STXBP4: variants seen among roughly 807,000 people sequenced by gnomAD.
The protein encoded by STXBP4 is syntaxin-binding protein 4.
In STXBP4, 55 loss-of-function variants were observed where a neutral mutation model predicts 76.1. The observed-to-expected ratio is 0.72, with a 90% CI of 0.58 to 0.91. The LOEUF (loss-of-function observed/expected upper bound fraction) is 0.91, where lower values mean the gene tolerates loss of function less well. STXBP4 is among the 40% of genes least tolerant of loss of function. STXBP4 has a pLI of 0.00. For missense variants in STXBP4, 618 were observed against 636.9 expected (o/e 0.97, Z 0.32); for synonymous variants, 201 against 220.2 (o/e 0.91, Z 0.77).
In STXBP4 at chr17:55,170,632, T is replaced by C. The variant is rs2080401222; in HGVS notation, c.*10721T>C. ...AGGATTATTTTGCTTTAGAATTCTA[T>C]GTATAATCCTGTGAAAATTTGTAGT... On this transcript the variant is annotated 3_prime_UTR_variant, in exon 18 of 18. Coordinates refer to ENST00000376352, the MANE Select transcript of STXBP4 (RefSeq NM_178509.6). 1 of 152,228 alleles carries C rather than the reference T, an allele frequency of 6.6e-6. No homozygotes were observed. The highest frequency in any genetic ancestry group is 2.1e-4 in the South Asian group (1 of 4,828). The allele number at this position is 152,228 out of a possible 1,614,324, so 9.4% of individuals were successfully genotyped here. A position where few individuals can be genotyped will look rare whatever the true frequency, so the allele number is the denominator to read the frequency against.
chr17:55,053,330 TA>T (rs918718958), intron 12 of STXBP4, among the ~76,000 whole-genome samples: 38 of 152,122 alleles, frequency 2.5e-4, no homozygotes, highest in African/African-American at 9.2e-4. Flanking sequence ...CTCAGATGGT[TA>T]AAAAAGTGCA....
At position 55,000,840 on chromosome 17, in the gene STXBP4, T is replaced by G; in HGVS notation, c.531T>G (p.Ile177Met). Residue 177 changes from isoleucine to methionine, a missense_variant, in exon 7 of 18, where the codon ATT (isoleucine) becomes ATG (methionine). Coordinates refer to ENST00000376352, the MANE Select transcript of STXBP4 (RefSeq NM_178509.6). ...CTGGATACAACAAAACAGTACAGAT[T>G]CCAATTACTTCAGAAAACAGTACTG... Reference protein sequence around the residue: ...IKTGYNKTVQIPITSENSTVG... With the variant: ...IKTGYNKTVQMPITSENSTVG... The G allele has an allele frequency of 6.2e-7, 1 of 1,610,804 alleles. No individual in the cohort carries two copies. The highest frequency in any genetic ancestry group is 8.5e-7 in the Non-Finnish European group (1 of 1,177,406).
At chr17:55,179,058 T>C in the STXBP4 span, among the ~76,000 whole-genome samples, 1 of 152,236 alleles carries the variant, frequency 6.6e-6, no homozygotes, top group Non-Finnish European at 1.5e-5. Flanking sequence ...TTGTTATTAT[T>C]GTAGATCTGG....
chr17:54,995,036 T>C (rs1246126423), intron 4 of STXBP4, among the ~76,000 whole-genome samples: 1 of 152,190 alleles, frequency 6.6e-6, no homozygotes, highest in African/African-American at 2.4e-5. Context: ...TTTATATTTA[T>C]GATTGTTTAA....
chr17:55,027,360 G>A (rs969347109), intron 8 of STXBP4, among the ~76,000 whole-genome samples: 1 of 152,136 alleles, frequency 6.6e-6, no homozygotes, highest in African/African-American at 2.4e-5. Flanking sequence ...CGTCCCTTGA[G>A]TATCATAAGG....
At chr17:55,076,889 G>A (rs1453100574) in intron 13 of STXBP4, among the ~76,000 whole-genome samples, 2 of 151,878 alleles carry the variant, frequency 1.3e-5, no homozygotes, top group African/African-American at 4.8e-5. Context: ...CTGTTGTCAA[G>A]TTCACCCATT....
At chr17:55,086,423 A>C (rs1204957788) in intron 16 of STXBP4, among the ~76,000 whole-genome samples, 2 of 152,120 alleles carry the variant, frequency 1.3e-5, no homozygotes, top group Non-Finnish European at 2.9e-5. Context: ...CCTTCTAGCT[A>C]TTTCAAACTA....
rs558662071 is a variant in STXBP4 at position 55,020,539 on chromosome 17, C to T, written c.667-10629C>T. Among the ~76,000 whole-genome samples the T allele has an allele frequency of 3.0e-4, 45 of 152,076 alleles. 1 individual carries two copies. Among genetic ancestry groups the T allele is most frequent in the Middle Eastern group, 6.8e-3 (2 of 294 alleles). ...AATTTTTTTTAATTATACTTTCGGC[C>T]GGGCGTGATGGCTCACACCTGTAAT... On this transcript the variant is annotated intron_variant, in intron 8 of 17. Transcript: ENST00000376352.
At chr17:55,067,869 A>C (rs1412908472) in intron 12 of STXBP4, among the ~76,000 whole-genome samples, 1 of 152,132 alleles carries the variant, frequency 6.6e-6, no homozygotes, top group African/African-American at 2.4e-5. Context: ...ATTACTGGTT[A>C]GGTAAGGAGG....
intron 7 of STXBP4, among the ~76,000 whole-genome samples, chr17:55,001,997 G>A (rs2077928485): frequency 6.6e-6 from 1 of 152,172 alleles, no homozygotes; most frequent in Non-Finnish European, 1.5e-5. Context: ...CTCCGATTTG[G>A]GGTGGTATTT....
At chr17:55,212,399 A>G in the STXBP4 span, among the ~76,000 whole-genome samples, 1 of 152,218 alleles carries the variant, frequency 6.6e-6, no homozygotes, top group Admixed American at 6.5e-5. Flanking sequence ...GAGGATAATA[A>G]TTCTTAGGTT....
At chr17:55,023,843 T>G (rs2078359614) in intron 8 of STXBP4, among the ~76,000 whole-genome samples, 1 of 150,126 alleles carries the variant, frequency 6.7e-6, no homozygotes, top group Non-Finnish European at 1.5e-5. Flanking sequence ...CAAGCCGTTT[T>G]CAGTTGGAAT....
At chr17:55,181,897 G>A in the STXBP4 span, among the ~76,000 whole-genome samples, 3 of 152,136 alleles carry the variant, frequency 2.0e-5, no homozygotes, top group Non-Finnish European at 2.9e-5. Context: ...CACCAAAGGG[G>A]TACTGATAAA....
At chr17:55,180,351 C>T in the STXBP4 span, among the ~76,000 whole-genome samples, 12 of 152,144 alleles carry the variant, frequency 7.9e-5, no homozygotes, top group Non-Finnish European at 1.5e-4. Context: ...TAAGGAGAAA[C>T]CTAGAACTAA....
At chr17:55,012,742 A>G (rs2078137118) in intron 8 of STXBP4, among the ~76,000 whole-genome samples, 1 of 152,292 alleles carries the variant, frequency 6.6e-6, no homozygotes, top group East Asian at 1.9e-4. Flanking sequence ...CAAATATTCC[A>G]TTATCACTGA....
intron 16 of STXBP4, among the ~76,000 whole-genome samples, chr17:55,116,331 A>T (rs2079779905): frequency 6.6e-6 from 1 of 151,842 alleles, no homozygotes; most frequent in East Asian, 1.9e-4. Flanking sequence ...ATAGATATAT[A>T]TTTACCATAA....
At chr17:55,152,258 G>A (rs1474686061) in intron 17 of STXBP4, among the ~76,000 whole-genome samples, 1 of 151,984 alleles carries the variant, frequency 6.6e-6, no homozygotes, top group African/African-American at 2.4e-5. Context: ...AAGATGAGTA[G>A]GACACTTCCC....
At chr17:55,034,842 A>G (rs2144698137) in intron 10 of STXBP4, among the ~76,000 whole-genome samples, 1 of 152,154 alleles carries the variant, frequency 6.6e-6, no homozygotes, top group Middle Eastern at 3.4e-3. Flanking sequence ...TGCTTTATGT[A>G]AAATGGGATT....
Position 55,163,681 on chromosome 17 carries a change from A to G in STXBP4, c.*3770A>G, listed in dbSNP as rs1221255922. Reference sequence around the variant, plus strand: ...CAAAACAAGGAGCTCATAGTCTAAAACCATTTTTCTTTCTTTTTTTTCCCC... The same window carrying G: ...CAAAACAAGGAGCTCATAGTCTAAAGCCATTTTTCTTTCTTTTTTTTCCCC... On this transcript the variant is annotated 3_prime_UTR_variant, in exon 18 of 18. Transcript: ENST00000376352. The G allele has an allele frequency of 2.6e-5, 4 of 152,206 alleles. No individual in the cohort carries two copies. Among genetic ancestry groups the G allele is most frequent in the African/African-American group, 9.7e-5 (4 of 41,356 alleles). The allele number at this position is 152,206 out of a possible 1,614,324, so 9.4% of individuals were successfully genotyped here.
Sources: allele counts gnomAD v4.1 joint callset (sites outside exome capture counted in the v4.1 genomes callset), GRCh38; gene constraint gnomAD v4.1.1; transcripts MANE v1.5; gene names NCBI Gene and HGNC (gene_info 2026-07-23, HGNC 2026-07-21).